GCNT1: variants seen among roughly 807,000 people sequenced by gnomAD.
The protein encoded by GCNT1 is glucosaminyl (N-acetyl) transferase 1.
A neutral mutation model predicts 26.2 loss-of-function variants in GCNT1; 16 were observed. The observed-to-expected ratio is 0.61, with a 90% CI of 0.41 to 0.93. The LOEUF is 0.93. Among genes scored for constraint, GCNT1 ranks in the 40% least tolerant of loss-of-function variants. The pLI is 0.00. For missense variants in GCNT1, 477 were observed against 526.7 expected (o/e 0.91, Z 0.92); for synonymous variants, 183 against 190.8 (o/e 0.96, Z 0.34).
chr9:76,477,014 A>C (rs572454410), intron 2 of GCNT1, among the ~76,000 whole-genome samples: 1 of 152,146 alleles, frequency 6.6e-6, no homozygotes, highest in African/African-American at 2.4e-5. Flanking sequence ...TCCCAGGCTC[A>C]AGCGAGTCTC....
At chr9:76,486,132 C>T (rs956348426) in intron 2 of GCNT1, among the ~76,000 whole-genome samples, 15 of 152,184 alleles carry the variant, frequency 9.9e-5, no homozygotes, top group African/African-American at 3.4e-4. Context: ...ATATGACGTT[C>T]GAAGAGCTAT....
the GCNT1 span, chr9:76,394,370 C>T: frequency 1.2e-5 from 6 of 502,906 alleles, no homozygotes; most frequent in African/African-American, 4.1e-5. Context: ...CAAATACCGC[C>T]GGGCGCCTGA....
intron 1 of GCNT1, among the ~76,000 whole-genome samples, chr9:76,421,689 GTTTTTTTTTTTTTTT>G (rs1182829928): frequency 2.7e-5 from 2 of 74,766 alleles, no homozygotes; most frequent in African/African-American, 1.1e-4. Flanking sequence ...TTTGTAGGTT[GTTTTTTTTTTTTTTT>G]TTTTTTTTGG....
intron 2 of GCNT1, among the ~76,000 whole-genome samples, chr9:76,472,105 G>A (rs777465107): frequency 7.2e-5 from 11 of 151,824 alleles, no homozygotes; most frequent in Non-Finnish European, 2.9e-5. Context: ...ATGAAACCTC[G>A]TCCCTGCTAA....
intron 1 of GCNT1, among the ~76,000 whole-genome samples, chr9:76,422,183 C>T (rs1200058677): frequency 1.3e-5 from 2 of 152,206 alleles, no homozygotes; most frequent in East Asian, 3.9e-4. Context: ...TACCTCCCAC[C>T]GGGTCCCTCT....
rs1554739590 is a variant in GCNT1, at chr9:76,502,402, AAGG to A, written c.24_26del (p.Arg9del). On this transcript the variant is annotated inframe_deletion, in exon 4 of 4. Coordinates refer to ENST00000376730, the MANE Select transcript of GCNT1 (RefSeq NM_001490.5). ...TTGAAATGCTGAGGACGTTGCTGCG[AAGG>A]AGACTTTTTTCTTATCCCACCAAAT... 6.2e-7 allele frequency: 1 copy of A among 1,612,254 alleles called. No individual in the cohort carries two copies. Among genetic ancestry groups the A allele is most frequent in the Non-Finnish European group, 8.5e-7 (1 of 1,178,658 alleles).
intron 2 of GCNT1, among the ~76,000 whole-genome samples, chr9:76,461,828 AG>A (rs1417288471): frequency 2.1e-4 from 32 of 152,118 alleles, no homozygotes; most frequent in African/African-American, 7.7e-4. Flanking sequence ...GGCGGAGGTT[AG>A]GATGAGCAGG....
upstream of GCNT1, among the ~76,000 whole-genome samples, chr9:76,457,786 A>C (rs2131591182): frequency 6.6e-6 from 1 of 152,318 alleles, no homozygotes; most frequent in Non-Finnish European, 1.5e-5. Flanking sequence ...CTTAACAATT[A>C]TGCTTGAATT....
chr9:76,503,164 C>T lies in GCNT1; in HGVS notation c.783C>T (p.Val261=). 1.9e-5 allele frequency: 30 copies of T among 1,614,062 alleles called. No individual in the cohort carries two copies. Among genetic ancestry groups the T allele is most frequent in the East Asian group, 6.7e-5 (3 of 44,876 alleles). ...AAAGGTGGAAGAAGCGGTATGAGGTCGTTAATGGAAAGCTGACAAACACAG... is the reference window on the plus strand; with the variant it reads ...AAAGGTGGAAGAAGCGGTATGAGGTTGTTAATGGAAAGCTGACAAACACAG... ...KEERWKKRYE[V]VNGKLTNTGT... The change falls in exon 4 of 4, where the codon GTC becomes GTT. Residue 261 remains valine (V), a synonymous_variant. Coordinates refer to ENST00000376730, the MANE Select transcript of GCNT1 (RefSeq NM_001490.5).
chr9:76,503,719 T>A lies in GCNT1; in HGVS notation c.*51T>A. The A allele has an allele frequency of 7.1e-7, 1 of 1,410,770 alleles. No individual in the cohort carries two copies. The highest frequency in any genetic ancestry group is 1.0e-6 in the Non-Finnish European group (1 of 999,764). 87.4% of individuals were successfully genotyped at this position (1,410,770 alleles called of 1,614,324 possible). ...GAAGAAGGATACACAAAACGTACCC[T>A]TATCTGTTTCCCCTTCCTTGTCAGC... On this transcript the variant is annotated 3_prime_UTR_variant, in exon 4 of 4. Transcript: ENST00000376730.
At chr9:76,408,221 G>T in the GCNT1 span, among the ~76,000 whole-genome samples, 8 of 152,128 alleles carry the variant, frequency 5.3e-5, no homozygotes, top group Non-Finnish European at 1.0e-4. Flanking sequence ...CTCTGGGAAA[G>T]CTTCTAATTT....
chr9:76,397,782 C>A, the GCNT1 span, among the ~76,000 whole-genome samples: 1 of 152,166 alleles, frequency 6.6e-6, no homozygotes, highest in Non-Finnish European at 1.5e-5. Flanking sequence ...GAAGAATAAA[C>A]CCTCCAAGAG....
the GCNT1 span, among the ~76,000 whole-genome samples, chr9:76,406,558 G>A: frequency 4.0e-5 from 6 of 151,602 alleles, no homozygotes; most frequent in Non-Finnish European, 8.8e-5. Flanking sequence ...GGTGGCTCAC[G>A]GGTGTGGTGG....
rs1481232018 is a variant in GCNT1, at chr9:76,504,919, T to G, written c.*1251T>G. The G allele has an allele frequency of 2.9e-5, 12 of 413,294 alleles. No individual in the cohort carries two copies. The highest frequency in any genetic ancestry group is 1.3e-4 in the South Asian group (1 of 7,860). The allele number at this position is 413,294 out of a possible 1,614,324, so 25.6% of individuals were successfully genotyped here. A position where few individuals can be genotyped will look rare whatever the true frequency, so the allele number is the denominator to read the frequency against. On this transcript the variant is annotated 3_prime_UTR_variant, in exon 4 of 4. Transcript: ENST00000376730. ...AACTTTGGGTTTGGGACAGATTTTT[T>G]TTTTTGTTTTTGGTATCATTCACAG...
intron 2 of GCNT1, among the ~76,000 whole-genome samples, chr9:76,475,984 T>C (rs1436765604): frequency 6.6e-6 from 1 of 152,210 alleles, no homozygotes; most frequent in African/African-American, 2.4e-5. Flanking sequence ...GCAATCATTG[T>C]GGTTTGGGAA....
intron 2 of GCNT1, among the ~76,000 whole-genome samples, chr9:76,480,489 A>G (rs763401422): frequency 6.6e-6 from 1 of 152,068 alleles, no homozygotes; most frequent in African/African-American, 2.4e-5. Flanking sequence ...CCTCCTGACA[A>G]ATTTACAGTT....
the GCNT1 span, among the ~76,000 whole-genome samples, chr9:76,395,294 T>G: frequency 2.0e-5 from 3 of 152,248 alleles, no homozygotes; most frequent in Non-Finnish European, 4.4e-5. Flanking sequence ...TTTTAAATTT[T>G]TAATCAATGG....
chr9:76,399,317 C>T, the GCNT1 span: 1 of 1,444,384 alleles, frequency 6.9e-7, no homozygotes, highest in Non-Finnish European at 9.6e-7. Context: ...CTACAGAGAT[C>T]CTGAAGATAT....
In GCNT1 at chr9:76,495,008, A is replaced by ACAC. The variant is rs527721880; in HGVS notation, c.-289-5906_-289-5904dup. On this transcript the variant is annotated intron_variant, in intron 2 of 3. Coordinates refer to ENST00000376730, the MANE Select transcript of GCNT1 (RefSeq NM_001490.5). ...AGGTAGCCATTTCCCAGAAAACCTG[A>ACAC]CACCCGTATCTTTAGTCCGGCAGCC... Among the ~76,000 whole-genome samples the ACAC allele has an allele frequency of 1.9e-4, 29 of 152,284 alleles. No individual in the cohort carries two copies. In the South Asian group the frequency reaches 5.2e-3, roughly 27 times the overall value.
Sources: allele counts gnomAD v4.1 joint callset (sites outside exome capture counted in the v4.1 genomes callset), GRCh38; gene constraint gnomAD v4.1.1; transcripts MANE v1.5; gene names NCBI Gene and HGNC (gene_info 2026-07-23, HGNC 2026-07-21).